The following CSMD1 variants were observed in gnomAD, a reference collection of about 807,000 sequenced individuals.
The protein encoded by CSMD1 is CUB and sushi domain-containing protein 1.
CSMD1 carries 213 observed loss-of-function variants against 417.5 expected under a neutral mutation model. That is an observed-to-expected ratio of 0.51 (90% CI 0.46 to 0.57). The LOEUF (loss-of-function observed/expected upper bound fraction) is 0.57. Among genes scored for constraint, CSMD1 ranks in the 20% least tolerant of loss-of-function variants. The probability of loss-of-function intolerance (pLI) is 0.00; values close to 1 mark genes in which losing one functional copy is unlikely to be tolerated. For synonymous variants in CSMD1, 2,862 were observed against 1,736.8 expected (o/e 1.65, Z -16.11); for missense variants, 6,923 against 4,529.7 (o/e 1.53, Z -15.17).
chr8:3,014,646 G>A (rs985204832), intron 52 of CSMD1, among the ~76,000 whole-genome samples: 2 of 152,178 alleles, frequency 1.3e-5, no homozygotes, highest in East Asian at 1.9e-4. Flanking sequence ...TTTTAAAAAC[G>A]TCCCGCCTAT....
At chr8:3,800,544 A>T (rs1800398733) in intron 5 of CSMD1, among the ~76,000 whole-genome samples, 1 of 152,150 alleles carries the variant, frequency 6.6e-6, no homozygotes, top group Non-Finnish European at 1.5e-5. Flanking sequence ...TCATAGAGGT[A>T]TGCAATGGCT....
chr8:4,895,848 T>G (rs577570217), intron 1 of CSMD1, among the ~76,000 whole-genome samples: 28 of 152,266 alleles, frequency 1.8e-4, no homozygotes, highest in African/African-American at 6.0e-4. Flanking sequence ...ACCACGATAT[T>G]ATTTATCTTC....
chr8:4,859,416 G>A (rs1051384836), intron 1 of CSMD1, among the ~76,000 whole-genome samples: 3 of 152,120 alleles, frequency 2.0e-5, no homozygotes, highest in Non-Finnish European at 4.4e-5. Context: ...ATTGACAAAT[G>A]GGATCTAATT....
intron 25 of CSMD1, among the ~76,000 whole-genome samples, chr8:3,290,994 G>A (rs574878851): frequency 1.3e-4 from 20 of 152,190 alleles, no homozygotes; most frequent in East Asian, 9.7e-4. Flanking sequence ...TTTGAGATAC[G>A]TCCCATCAAC....
At chr8:3,994,005 G>T (rs111960428) in intron 5 of CSMD1, among the ~76,000 whole-genome samples, 12 of 152,284 alleles carry the variant, frequency 7.9e-5, no homozygotes, top group Admixed American at 2.6e-4. Context: ...GGGGATGGGC[G>T]TGCCTGGCAG....
intron 12 of CSMD1, among the ~76,000 whole-genome samples, chr8:3,465,052 A>G (rs953529831): frequency 3.9e-5 from 6 of 152,194 alleles, no homozygotes; most frequent in South Asian, 2.1e-4. Flanking sequence ...GGGAATATGT[A>G]TAACACATAC....
chr8:4,428,408 G>A (rs1184832356), intron 2 of CSMD1, among the ~76,000 whole-genome samples: 1 of 152,052 alleles, frequency 6.6e-6, no homozygotes, highest in Non-Finnish European at 1.5e-5. Context: ...TAGTTCAATA[G>A]GAATACCTAA....
chr8:4,759,356 T>G (rs572647799), intron 1 of CSMD1, among the ~76,000 whole-genome samples: 1 of 152,298 alleles, frequency 6.6e-6, no homozygotes, highest in Admixed American at 6.5e-5. Flanking sequence ...TAAAGGGCAG[T>G]GGACAGGGCC....
At chr8:4,278,144 A>G (rs1431507095) in intron 3 of CSMD1, among the ~76,000 whole-genome samples, 1 of 152,222 alleles carries the variant, frequency 6.6e-6, no homozygotes, top group Non-Finnish European at 1.5e-5. Context: ...TCCACCAAAG[A>G]GAAGAATCTA....
At chr8:4,091,063 C>A (rs1800694214) in intron 3 of CSMD1, among the ~76,000 whole-genome samples, 1 of 151,914 alleles carries the variant, frequency 6.6e-6, no homozygotes, top group South Asian at 2.1e-4. Flanking sequence ...GGTCTACAGG[C>A]ACCCACCACA....
chr8:3,848,777 T>A (rs1363760159), intron 5 of CSMD1, among the ~76,000 whole-genome samples: 1 of 152,110 alleles, frequency 6.6e-6, no homozygotes, highest in African/African-American at 2.4e-5. Context: ...GTCAAATATT[T>A]AGTACTGTAG....
At chr8:3,501,946 G>C (rs904261350) in intron 10 of CSMD1, among the ~76,000 whole-genome samples, 2 of 152,020 alleles carry the variant, frequency 1.3e-5, no homozygotes, top group African/African-American at 4.8e-5. Flanking sequence ...TCCTACAAAA[G>C]AACACATACA....
intron 5 of CSMD1, among the ~76,000 whole-genome samples, chr8:3,876,914 C>A (rs1290861672): frequency 6.6e-6 from 1 of 152,202 alleles, no homozygotes; most frequent in Non-Finnish European, 1.5e-5. Context: ...CTCTGTCCAG[C>A]CTCTCATGCT....
chr8:4,020,984 C>A (rs775239081), intron 4 of CSMD1, among the ~76,000 whole-genome samples: 1 of 152,194 alleles, frequency 6.6e-6, no homozygotes. Flanking sequence ...ATTGCCTTAT[C>A]AGTCTTTATG....
intron 3 of CSMD1, among the ~76,000 whole-genome samples, chr8:4,239,670 T>C (rs985779045): frequency 6.6e-6 from 1 of 152,146 alleles, no homozygotes; most frequent in Non-Finnish European, 1.5e-5. Context: ...AGCATTGCAT[T>C]ATGTTGGGTG....
At chr8:4,826,623 G>A (rs1160770448) in intron 1 of CSMD1, among the ~76,000 whole-genome samples, 1 of 152,090 alleles carries the variant, frequency 6.6e-6, no homozygotes, top group East Asian at 1.9e-4. Flanking sequence ...AGATAACTTG[G>A]GAGAAATTGC....
intron 7 of CSMD1, among the ~76,000 whole-genome samples, chr8:3,640,844 T>C (rs1171102610): frequency 2.6e-5 from 4 of 151,960 alleles, no homozygotes; most frequent in Non-Finnish European, 5.9e-5. Context: ...CATGGAATCT[T>C]ACCTCACTAC....
At chr8:3,446,286 T>G (rs1815303484) in intron 12 of CSMD1, among the ~76,000 whole-genome samples, 1 of 152,214 alleles carries the variant, frequency 6.6e-6, no homozygotes, top group Non-Finnish European at 1.5e-5. Flanking sequence ...TGGGCTATTG[T>G]AAAATTAGTT....
intron 1 of CSMD1, among the ~76,000 whole-genome samples, chr8:4,841,054 G>A (rs1387853136): frequency 1.3e-5 from 2 of 152,180 alleles, no homozygotes; most frequent in African/African-American, 2.4e-5. Context: ...CGTTCTTCCT[G>A]TATTCTTTCC....
Sources: allele counts gnomAD v4.1 joint callset (sites outside exome capture counted in the v4.1 genomes callset), GRCh38; gene constraint gnomAD v4.1.1; transcripts MANE v1.5; gene names NCBI Gene and HGNC (gene_info 2026-07-23, HGNC 2026-07-21).